KCTD4: variants seen among roughly 807,000 people sequenced by gnomAD.
The protein encoded by KCTD4 is BTB/POZ domain-containing protein KCTD4.
Under a neutral mutation model 18.3 loss-of-function variants are expected in KCTD4, and 12 were observed. The ratio of observed to expected loss-of-function variants is 0.66; its 90% CI spans 0.42 to 1.06. The LOEUF is 1.06. Ranked by LOEUF, KCTD4 falls within the 50% of genes least tolerant of loss-of-function variation. The pLI is 0.00. For synonymous variants in KCTD4, 124 were observed against 110.5 expected (o/e 1.12, Z -0.76); for missense variants, 250 against 303.4 (o/e 0.82, Z 1.31).
At position 45,194,513 on chromosome 13, in the gene KCTD4, TG is replaced by T; in HGVS notation, c.54del (p.His18GlnfsTer17). 1 of 1,614,142 alleles carries T rather than the reference TG, an allele frequency of 6.2e-7. No homozygotes were observed. Among genetic ancestry groups the T allele is most frequent in the Non-Finnish European group, 8.5e-7 (1 of 1,179,986 alleles). On this transcript the variant is annotated frameshift_variant, in exon 2 of 2. Coordinates refer to ENST00000379108, the MANE Select transcript of KCTD4 (RefSeq NM_198404.3). LOFTEE classifies it high-confidence loss of function. ...REKEKEYEGKHNSLEDTDQGK... is the reference protein window; with the variant it reads ...REKEKEYEGKXNSLEDTDQGK... ...CCTTGATCAGTATCTTCCAGGCTGT[TG>T]TGTTTCCCTTCATACTCCTTTTCTT... is the stretch of plus-strand genomic sequence containing the variant.
intron 1 of KCTD4, among the ~76,000 whole-genome samples, chr13:45,200,430 C>A (rs1873121223): frequency 6.6e-6 from 1 of 151,348 alleles, no homozygotes. Context: ...TAGGAAACTC[C>A]CGTATAGTTG....
chr13:45,197,305 T>C (rs1872943781), intron 1 of KCTD4, among the ~76,000 whole-genome samples: 1 of 149,372 alleles, frequency 6.7e-6, no homozygotes, highest in African/African-American at 2.5e-5. Context: ...GAGACCAGCC[T>C]GGCCAGTATA....
chr13:45,197,013 C>T (rs1449330097), intron 1 of KCTD4, among the ~76,000 whole-genome samples: 2 of 151,816 alleles, frequency 1.3e-5, no homozygotes, highest in South Asian at 2.1e-4. Flanking sequence ...CATCTTGTGC[C>T]TCTTCTCCTT....
At position 45,194,699 on chromosome 13, in the gene KCTD4, G is replaced by T. The variant is rs1049761734; in HGVS notation, c.-132C>A. 6.2e-6 allele frequency: 5 copies of T among 803,690 alleles called. No individual in the cohort carries two copies. The highest frequency in any genetic ancestry group is 6.0e-6 in the Non-Finnish European group (3 of 497,806). 49.8% of individuals were successfully genotyped at this position (803,690 alleles called of 1,614,324 possible). ...TGGAAACGCTGGCAGCATCGCCTGC[G>T]CTGTCAGCTCGGTTTTGCAGTAGGT... On this transcript the variant is annotated 5_prime_UTR_variant, in exon 2 of 2. Transcript: ENST00000379108.
chr13:45,194,539 T>C lies in KCTD4; in HGVS notation c.29A>G (p.Lys10Arg), dbSNP rs141883616. Residue 10 changes from lysine (K) to arginine (R), a missense_variant, in exon 2 of 2, where the codon AAA becomes AGA. Coordinates refer to ENST00000379108, the MANE Select transcript of KCTD4 (RefSeq NM_198404.3). The stretch of plus-strand genomic sequence containing the variant: ...GTGTTTCCCTTCATACTCCTTTTCT[T>C]TTTCTCTTCTGTTTATTTTACGCTC... The part of the protein sequence containing the change: MERKINRRE[K>R]EKEYEGKHNS... The C allele has an allele frequency of 3.6e-4, 585 of 1,612,564 alleles. 1 individual carries two copies. Among genetic ancestry groups the C allele is most frequent in the Non-Finnish European group, 4.6e-4 (547 of 1,179,476 alleles).
chr13:45,197,317 G>A (rs1380685866), intron 1 of KCTD4, among the ~76,000 whole-genome samples: 3 of 149,286 alleles, frequency 2.0e-5, no homozygotes, highest in Non-Finnish European at 3.0e-5. Flanking sequence ...GCCAGTATAG[G>A]GAAATCCTTT....
chr13:45,197,974 C>G (rs1872984907), intron 1 of KCTD4, among the ~76,000 whole-genome samples: 1 of 152,186 alleles, frequency 6.6e-6, no homozygotes, highest in Non-Finnish European at 1.5e-5. Context: ...CCTTTGCAGG[C>G]AAAAACATAT....
intron 1 of KCTD4, among the ~76,000 whole-genome samples, chr13:45,196,028 G>C (rs186527172): frequency 2.0e-3 from 308 of 152,222 alleles, no homozygotes; most frequent in African/African-American, 7.2e-3. Flanking sequence ...TTAACTGTAT[G>C]TTGACATAGG....
rs1872894730 is a variant in KCTD4, at chr13:45,196,432, TC to T, written c.-187-1679del. 1.2e-4 allele frequency among the ~76,000 whole-genome samples: 19 copies of T among 152,346 alleles called. No homozygotes were observed. In the South Asian group the frequency reaches 3.9e-3, roughly 32 times the overall value. On this transcript the variant is annotated intron_variant, in intron 1 of 1. Coordinates refer to ENST00000379108, the MANE Select transcript of KCTD4 (RefSeq NM_198404.3). ...TTTTGCTTTTTTAGATTAAGTCTTT[TC>T]TGTCAATACAACTTTTTAAGAAATA... is the stretch of plus-strand genomic sequence containing the variant.
At chr13:45,200,179 AT>A (rs1247688232) in intron 1 of KCTD4, among the ~76,000 whole-genome samples, 2 of 152,140 alleles carry the variant, frequency 1.3e-5, no homozygotes, top group Admixed American at 6.6e-5. Context: ...TCTGTGAGCT[AT>A]TCCCTCCGTA....
Position 45,194,236 on chromosome 13 carries a change from G to A in KCTD4, c.332C>T (p.Ala111Val). Residue 111 changes from alanine (A) to valine (V), a missense_variant, in exon 2 of 2, where the codon GCA (alanine) becomes GTA (valine). Physicochemically the swap from Ala to Val is moderately conservative, Grantham distance 64. Coordinates refer to ENST00000379108, the MANE Select transcript of KCTD4 (RefSeq NM_198404.3). Reference sequence around the variant, plus strand: ...GAGCTGAAAGAATTCTGCTTCTTGTGCAAGAAGTTGATTTTCTCGAAACCC... The same window carrying A: ...GAGCTGAAAGAATTCTGCTTCTTGTACAAGAAGTTGATTTTCTCGAAACCC... ...PEGFRENQLL[A>V]QEAEFFQLKG... 1 of 1,614,024 alleles carries A rather than the reference G, an allele frequency of 6.2e-7. No individual in the cohort carries two copies. The highest frequency in any genetic ancestry group is 8.5e-7 in the Non-Finnish European group (1 of 1,179,942).
intron 1 of KCTD4, 74 bp from the exon 2 acceptor site, chr13:45,194,828 G>A (rs1206205533): frequency 2.1e-6 from 1 of 466,496 alleles, no homozygotes; most frequent in Non-Finnish European, 3.8e-6. Flanking sequence ...GGATTTTCAT[G>A]TCTATCCTTT....
intron 1 of KCTD4, among the ~76,000 whole-genome samples, chr13:45,195,625 C>T (rs1282931965): frequency 6.6e-6 from 1 of 152,162 alleles, no homozygotes; most frequent in Non-Finnish European, 1.5e-5. Context: ...TGAATGATGT[C>T]ACCCTCCACT....
intron 1 of KCTD4, among the ~76,000 whole-genome samples, 165 bp from the exon 2 acceptor site, chr13:45,194,919 A>G (rs571765132): frequency 1.1e-4 from 17 of 152,350 alleles, no homozygotes; most frequent in African/African-American, 4.1e-4. Context: ...CTTCATCCAA[A>G]TGTGAATGTT....
In KCTD4 at chr13:45,194,730, A is replaced by T. The variant is rs1425518138; in HGVS notation, c.-163T>A. ...AGCTCGGTTTTGCAGTAGGTGGCGTATCAGCCTATGTATGCAGGAGCTTTC... is the reference window on the plus strand; with the variant it reads ...AGCTCGGTTTTGCAGTAGGTGGCGTTTCAGCCTATGTATGCAGGAGCTTTC... On this transcript the variant is annotated 5_prime_UTR_variant, in exon 2 of 2. Transcript: ENST00000379108. 7.7e-6 allele frequency: 5 copies of T among 645,562 alleles called. No homozygotes were observed. Among genetic ancestry groups the T allele is most frequent in the Non-Finnish European group, 1.1e-5 (4 of 362,012 alleles). 40.0% of individuals were successfully genotyped at this position (645,562 alleles called of 1,614,324 possible). A position where few individuals can be genotyped will look rare whatever the true frequency, so the allele number is the denominator to read the frequency against.
Position 45,200,905 on chromosome 13 carries a change from T to A in KCTD4, c.-269A>T, listed in dbSNP as rs1237075007. ...GTGATGTAATTAAGAGTCAGGAGAG[T>A]AAGGAGAGTAACTTCGAGGTCTGGA... On this transcript the variant is annotated 5_prime_UTR_variant, in exon 1 of 2. Coordinates refer to ENST00000379108, the MANE Select transcript of KCTD4 (RefSeq NM_198404.3). Among the ~76,000 whole-genome samples, 1 of 151,968 alleles carries A rather than the reference T, an allele frequency of 6.6e-6. No individual in the cohort carries two copies. The highest frequency in any genetic ancestry group is 1.5e-5 in the Non-Finnish European group (1 of 68,000).
rs1016029864 is a variant in KCTD4 at position 45,194,727 on chromosome 13, C to T, written c.-160G>A. On this transcript the variant is annotated 5_prime_UTR_variant, in exon 2 of 2. Coordinates refer to ENST00000379108, the MANE Select transcript of KCTD4 (RefSeq NM_198404.3). ...GTCAGCTCGGTTTTGCAGTAGGTGG[C>T]GTATCAGCCTATGTATGCAGGAGCT... The T allele has an allele frequency of 3.1e-5, 20 of 648,994 alleles. No homozygotes were observed. The highest frequency in any genetic ancestry group is 4.2e-4 in the Middle Eastern group (1 of 2,376). 40.2% of individuals were successfully genotyped at this position (648,994 alleles called of 1,614,324 possible). A position where few individuals can be genotyped will look rare whatever the true frequency, so the allele number is the denominator to read the frequency against.
In KCTD4 at chr13:45,194,192, C is replaced by T; in HGVS notation, c.376G>A (p.Val126Met). The T allele has an allele frequency of 1.2e-6, 2 of 1,614,136 alleles. No individual in the cohort carries two copies. The highest frequency in any genetic ancestry group is 2.2e-5 in the South Asian group (2 of 91,086). ...TGTTCTTTCTCCCACCTGGATTTCA[C>T]TTCCTCTGCCAGTCCCTTGAGCTGA... ...FFQLKGLAEE[V>M]KSRWEKEQLT... The change falls in exon 2 of 2, where the codon GTG becomes ATG. Residue 126 changes from valine (V) to methionine (M), a missense_variant. Physicochemically the swap from Val to Met is conservative, Grantham distance 21. Transcript: ENST00000379108.
chr13:45,198,398 G>A (rs1454751330), intron 1 of KCTD4, among the ~76,000 whole-genome samples: 1 of 152,160 alleles, frequency 6.6e-6, no homozygotes, highest in Non-Finnish European at 1.5e-5. Flanking sequence ...CCTCCCGACT[G>A]GAAGATACAA....
Sources: allele counts gnomAD v4.1 joint callset (sites outside exome capture counted in the v4.1 genomes callset), GRCh38; gene constraint gnomAD v4.1.1; transcripts MANE v1.5; gene names NCBI Gene and HGNC (gene_info 2026-07-23, HGNC 2026-07-21).